KATNA1: variants seen among roughly 807,000 people sequenced by gnomAD.
The protein encoded by KATNA1 is katanin p60 ATPase-containing subunit A1.
A neutral mutation model predicts 62.6 loss-of-function variants in KATNA1; 42 were observed. The observed-to-expected ratio is 0.67, with a 90% confidence interval of 0.52 to 0.87. The LOEUF is 0.87. Ranked by LOEUF, KATNA1 falls within the 40% of genes least tolerant of loss-of-function variation. The probability of loss-of-function intolerance (pLI) is 0.00; values close to 1 mark genes in which losing one functional copy is unlikely to be tolerated. For missense variants in KATNA1, 498 were observed against 612.5 expected (o/e 0.81, Z 1.97); for synonymous variants, 186 against 201.9 (o/e 0.92, Z 0.67).
intron 4 of KATNA1, among the ~76,000 whole-genome samples, chr6:149,610,347 T>C (rs1394503323): frequency 5.3e-5 from 8 of 149,714 alleles, no homozygotes; most frequent in Admixed American, 2.0e-4. Flanking sequence ...AACACCACCA[T>C]CCAAAGGATC....
intron 1 of KATNA1, among the ~76,000 whole-genome samples, chr6:149,647,372 A>C (rs1780527431): frequency 6.6e-6 from 1 of 151,716 alleles, no homozygotes; most frequent in Admixed American, 6.6e-5. Flanking sequence ...AATACAAAAA[A>C]TTTGCCGCGC....
At chr6:149,637,055 T>C (rs943165802) in intron 2 of KATNA1, among the ~76,000 whole-genome samples, 3 of 152,182 alleles carry the variant, frequency 2.0e-5, no homozygotes, top group South Asian at 4.1e-4. Context: ...TTTTTGTTAG[T>C]CCTCAGTAAC....
chr6:149,596,984 G>C, intron 10 of KATNA1, 79 bp downstream of exon 10: 2 of 1,454,706 alleles, frequency 1.4e-6, no homozygotes, highest in Non-Finnish European at 1.9e-6. Flanking sequence ...GCGAGACTGT[G>C]TCTCAAAAAA....
intron 3 of KATNA1, among the ~76,000 whole-genome samples, chr6:149,628,230 T>C (rs1477959344): frequency 6.6e-6 from 1 of 150,608 alleles, no homozygotes; most frequent in Non-Finnish European, 1.5e-5. Context: ...CCAGAGTAGC[T>C]GGGACTACAG....
At chr6:149,604,886 A>C in intron 4 of KATNA1, 104 bp from the exon 5 acceptor site, 6 of 1,128,596 alleles carry the variant, frequency 5.3e-6, no homozygotes, top group Non-Finnish European at 7.7e-6. Flanking sequence ...AAGCTAATAC[A>C]TCATTTGGCC....
intron 8 of KATNA1, 52 bp downstream of exon 8, chr6:149,598,172 A>AC: frequency 6.2e-7 from 1 of 1,603,172 alleles, no homozygotes; most frequent in Non-Finnish European, 8.5e-7. Context: ...AACTGGAGAC[A>AC]CCACACCTAA....
At chr6:149,647,545 AAAG>A (rs1582820482) in intron 1 of KATNA1, among the ~76,000 whole-genome samples, 3 of 150,728 alleles carry the variant, frequency 2.0e-5, no homozygotes, top group Non-Finnish European at 3.0e-5. Context: ...AAAAAAAAAA[AAAG>A]AACAAAACCC....
intron 8 of KATNA1, 83 bp downstream of exon 8, chr6:149,598,141 G>C (rs1778398523): frequency 1.4e-6 from 2 of 1,478,058 alleles, no homozygotes; most frequent in Non-Finnish European, 1.9e-6. Flanking sequence ...TTAGCACTAT[G>C]AGTAAAGTTT....
chr6:149,604,665 G>T lies in KATNA1; in HGVS notation c.619C>A (p.Arg207=), dbSNP rs200980886. Reference sequence around the variant, plus strand: ...TTTGGTTGTGATATAACTTACCATCGAACATTGGGATTCTGGGAAATTATA... The same window carrying T: ...TTTGGTTGTGATATAACTTACCATCTAACATTGGGATTCTGGGAAATTATA... ...RDIISQNPNV[R]WDDIADLVEA... Residue 207 remains arginine, a synonymous_variant, in exon 5 of 11, where the codon CGA becomes AGA. Transcript: ENST00000367411. 2.1e-5 allele frequency: 34 copies of T among 1,613,378 alleles called. No homozygotes were observed. Among genetic ancestry groups the T allele is most frequent in the Non-Finnish European group, 2.9e-5 (34 of 1,179,494 alleles).
At chr6:149,597,911 GTACA>G (rs1778389130) in intron 8 of KATNA1, 3 of 469,336 alleles carry the variant, frequency 6.4e-6, no homozygotes, top group Non-Finnish European at 1.1e-5. Flanking sequence ...TTTTCAAAGC[GTACA>G]TAAACTCTAA....
At chr6:149,597,310 T>C in intron 9 of KATNA1, 121 bp from the exon 10 acceptor site, 14 of 1,266,922 alleles carry the variant, frequency 1.1e-5, no homozygotes, top group Non-Finnish European at 1.5e-5. Context: ...TAAGAAGAGA[T>C]AATTAAGTAA....
At chr6:149,617,826 C>T (rs890665083) in intron 4 of KATNA1, among the ~76,000 whole-genome samples, 1 of 151,896 alleles carries the variant, frequency 6.6e-6, no homozygotes, top group Admixed American at 6.6e-5. Flanking sequence ...GTCTCAGCTA[C>T]TTGGGAGTCT....
chr6:149,615,703 G>A (rs1413009730), intron 4 of KATNA1, among the ~76,000 whole-genome samples: 1 of 152,192 alleles, frequency 6.6e-6, no homozygotes, highest in Admixed American at 6.5e-5. Flanking sequence ...CGGATCACTG[G>A]AACTCAGGAG....
rs754556162 is a variant in KATNA1 at position 149,607,894 on chromosome 6, C to T, written c.502-3112G>A. Among the ~76,000 whole-genome samples the T allele has an allele frequency of 2.6e-5, 4 of 151,938 alleles. 1 individual carries two copies. The East Asian group carries it at 5.8e-4, about 22-fold the overall frequency. On this transcript the variant is annotated intron_variant, in intron 4 of 10. Transcript: ENST00000367411. ...CAGCCTGGCCAACATGATGAAACCC[C>T]GTCTCTACTAACAATACAAAAATTA...
chr6:149,596,352 T>C (rs888565096), intron 10 of KATNA1, among the ~76,000 whole-genome samples: 1 of 152,080 alleles, frequency 6.6e-6, no homozygotes, highest in African/African-American at 2.4e-5. Flanking sequence ...CTGGTCAACA[T>C]GGTGAAACAC....
chr6:149,643,828 C>T (rs1417977101), intron 1 of KATNA1, among the ~76,000 whole-genome samples: 1 of 151,658 alleles, frequency 6.6e-6, no homozygotes, highest in Non-Finnish European at 1.5e-5. Context: ...ACCACCACAC[C>T]CAGCTAATAT....
At chr6:149,603,185 T>C (rs1244561789) in intron 6 of KATNA1, 83 bp downstream of exon 6, 3 of 611,272 alleles carry the variant, frequency 4.9e-6, no homozygotes, top group Non-Finnish European at 8.8e-6. Flanking sequence ...TCCCTCCACT[T>C]TTCCCAATAT....
At chr6:149,640,528 G>GT (rs201603433) in intron 1 of KATNA1, among the ~76,000 whole-genome samples, 32 of 150,412 alleles carry the variant, frequency 2.1e-4, no homozygotes, top group African/African-American at 7.7e-4. Context: ...TATGGTGGGG[G>GT]TTTTTTTGGG....
Position 149,604,666 on chromosome 6 carries a change from A to T in KATNA1, c.618T>A (p.Val206=). The T allele has an allele frequency of 6.2e-7, 1 of 1,613,790 alleles. No homozygotes were observed. Among genetic ancestry groups the T allele is most frequent in the Non-Finnish European group, 8.5e-7 (1 of 1,179,736 alleles). ...ERDIISQNPN[V]RWDDIADLVE... ...TTGGTTGTGATATAACTTACCATCG[A>T]ACATTGGGATTCTGGGAAATTATAT... Residue 206 remains valine, a synonymous_variant, in exon 5 of 11, where the codon GTT becomes GTA. Coordinates refer to ENST00000367411, the MANE Select transcript of KATNA1 (RefSeq NM_007044.4).
Sources: gnomAD v4.1 joint callset for allele counts (sites outside exome capture counted in the v4.1 genomes callset) on GRCh38, gnomAD v4.1.1 for gene constraint, MANE v1.5 for transcripts, NCBI Gene and HGNC (gene_info 2026-07-23, HGNC 2026-07-21) for gene names.